The following SGK3 variants were observed in gnomAD, a reference collection of about 807,000 sequenced individuals.
SGK3 encodes the protein serum/glucocorticoid regulated kinase family member 3.
Under a neutral mutation model 68.5 loss-of-function variants are expected in SGK3, and 47 were observed. That is an observed-to-expected ratio of 0.69 (90% CI 0.54 to 0.87). The LOEUF is 0.87. Ranked by LOEUF, SGK3 falls within the 40% of genes least tolerant of loss-of-function variation. SGK3 has a pLI of 0.00. For missense variants in SGK3, 479 were observed against 575.5 expected (o/e 0.83, Z 1.72); for synonymous variants, 181 against 189.1 (o/e 0.96, Z 0.35).
At chr8:66,737,401 T>C (rs1805352227) in intron 1 of SGK3, 1 of 151,874 alleles carries the variant, frequency 6.6e-6, no homozygotes. Context: ...TTCTGGATAA[T>C]AGCAGAGGAA....
At chr8:66,843,361 A>G in intron 13 of SGK3, 91 bp from the exon 14 acceptor site, 1 of 1,313,126 alleles carries the variant, frequency 7.6e-7, no homozygotes, top group Non-Finnish European at 1.1e-6. Flanking sequence ...TATGATAGCA[A>G]CAACTAAAAT....
At chr8:66,820,421 G>T (rs1000106389) in intron 5 of SGK3, among the ~76,000 whole-genome samples, 5 of 152,072 alleles carry the variant, frequency 3.3e-5, no homozygotes, top group Admixed American at 1.3e-4. Flanking sequence ...ACATTGTATG[G>T]ATAACACCAC....
chr8:66,808,708 C>G (rs1257074597), intron 4 of SGK3, among the ~76,000 whole-genome samples: 1 of 151,834 alleles, frequency 6.6e-6, no homozygotes. Context: ...GATGAGGTTT[C>G]TCCATGTTGG....
intron 1 of SGK3, among the ~76,000 whole-genome samples, chr8:66,755,244 G>A (rs897890774): frequency 1.4e-4 from 20 of 146,590 alleles, no homozygotes; most frequent in Non-Finnish European, 2.2e-4. Flanking sequence ...GGGGGACAGA[G>A]TGAGACTCCA....
At chr8:66,736,100 T>C (rs1236893887) in intron 1 of SGK3, among the ~76,000 whole-genome samples, 1 of 152,182 alleles carries the variant, frequency 6.6e-6, no homozygotes. Context: ...GGCTGTGGAC[T>C]TACCCAGATT....
chr8:66,759,067 TTTTTC>T (rs1388777642), intron 1 of SGK3, among the ~76,000 whole-genome samples: 1 of 146,808 alleles, frequency 6.8e-6, no homozygotes, highest in Non-Finnish European at 1.5e-5. Context: ...TCTTTTTTCT[TTTTTC>T]TTTTCTTCTT....
intron 16 of SGK3, among the ~76,000 whole-genome samples, chr8:66,855,116 G>A (rs1024428069): frequency 2.0e-5 from 3 of 152,200 alleles, no homozygotes; most frequent in African/African-American, 7.2e-5. Context: ...TAATCTTTAA[G>A]TGAAGAATGC....
At chr8:66,839,973 C>G in intron 10 of SGK3, 30 bp from the exon 11 acceptor site, 1 of 1,589,166 alleles carries the variant, frequency 6.3e-7, no homozygotes, top group Non-Finnish European at 8.6e-7. Flanking sequence ...AACATTCTCT[C>G]TCCCCCCACC....
At chr8:66,744,934 T>C (rs1805609354) in intron 1 of SGK3, among the ~76,000 whole-genome samples, 1 of 152,022 alleles carries the variant, frequency 6.6e-6, no homozygotes, top group Non-Finnish European at 1.5e-5. Context: ...TCTTTGTCAA[T>C]TTTACTTGCC....
chr8:66,769,508 G>T (rs1427643882), intron 1 of SGK3, among the ~76,000 whole-genome samples: 1 of 152,190 alleles, frequency 6.6e-6, no homozygotes, highest in African/African-American at 2.4e-5. Flanking sequence ...ATAGGTGCGG[G>T]TCACCGCACC....
intron 15 of SGK3, 127 bp from the exon 16 acceptor site, chr8:66,850,704 C>A: frequency 1.2e-6 from 1 of 820,732 alleles, no homozygotes; most frequent in Non-Finnish European, 1.9e-6. Flanking sequence ...ACACAAATAA[C>A]ATACACATGT....
intron 1 of SGK3, among the ~76,000 whole-genome samples, chr8:66,724,553 G>T (rs1034957983): frequency 2.0e-5 from 3 of 152,102 alleles, no homozygotes; most frequent in African/African-American, 7.2e-5. Flanking sequence ...TCCAGCCTGG[G>T]TGACAGAGCA....
chr8:66,858,980 A>C (rs146897245), intron 16 of SGK3, among the ~76,000 whole-genome samples: 84 of 152,308 alleles, frequency 5.5e-4, no homozygotes, highest in Middle Eastern at 3.4e-3. Flanking sequence ...GGAATGAATT[A>C]GGAAGACATC....
rs145705136 is a variant in SGK3, at chr8:66,779,350, T to C, written c.-121-14266T>C. ...TGACTCGAGCTTGTGTAAATGTTTC[T>C]GTCACTTAATTTTATCTTTTCTCCT... is the stretch of plus-strand genomic sequence containing the variant. On this transcript the variant is annotated intron_variant, in intron 1 of 16. Coordinates refer to ENST00000521198, the MANE Select transcript of SGK3 (RefSeq NM_001033578.3). 3.3e-3 allele frequency among the ~76,000 whole-genome samples: 496 copies of C among 152,098 alleles called. 1 individual carries two copies. Among genetic ancestry groups the C allele is most frequent in the African/African-American group, 0.011 (466 of 41,528 alleles).
At chr8:66,796,987 GT>G (rs1304327158) in intron 2 of SGK3, among the ~76,000 whole-genome samples, 6 of 150,608 alleles carry the variant, frequency 4.0e-5, no homozygotes, top group Non-Finnish European at 5.9e-5. Context: ...GATTTGAATA[GT>G]TTTTTGTTTT....
chr8:66,808,042 G>T (rs1808234915), intron 4 of SGK3, among the ~76,000 whole-genome samples: 1 of 151,960 alleles, frequency 6.6e-6, no homozygotes, highest in South Asian at 2.1e-4. Context: ...TGTAGGAAAA[G>T]GTATGGGGAT....
At chr8:66,780,790 C>T (rs892539109) in intron 1 of SGK3, among the ~76,000 whole-genome samples, 5 of 151,938 alleles carry the variant, frequency 3.3e-5, no homozygotes, top group African/African-American at 1.2e-4. Flanking sequence ...GATGGGAAGC[C>T]GTGGAAAGGG....
At chr8:66,852,565 T>C (rs78841099) in intron 16 of SGK3, among the ~76,000 whole-genome samples, 2,783 of 152,246 alleles carry the variant, frequency 0.018, 87 homozygotes, top group African/African-American at 0.062. Context: ...ACGCATGAGC[T>C]ACTGTGCCCG....
intron 8 of SGK3, among the ~76,000 whole-genome samples, chr8:66,832,912 T>G (rs1294526513): frequency 3.2e-5 from 4 of 124,462 alleles, no homozygotes; most frequent in East Asian, 2.0e-4. Flanking sequence ...TTTGTTTTGT[T>G]TTTTTTTTTG....
Sources: allele counts gnomAD v4.1 joint callset (sites outside exome capture counted in the v4.1 genomes callset), GRCh38; gene constraint gnomAD v4.1.1; transcripts MANE v1.5; gene names NCBI Gene and HGNC (gene_info 2026-07-23, HGNC 2026-07-21).